PREX1: variants seen among roughly 807,000 people sequenced by gnomAD.
PREX1 encodes phosphatidylinositol 3,4,5-trisphosphate-dependent Rac exchanger 1 protein.
Under a neutral mutation model 198.3 loss-of-function variants are expected in PREX1, and 41 were observed. The ratio of observed to expected loss-of-function variants is 0.21; its 90% CI spans 0.16 to 0.27. The LOEUF (loss-of-function observed/expected upper bound fraction) is 0.27. Among genes scored for constraint, PREX1 ranks in the 10% least tolerant of loss-of-function variants. The pLI is 1.00. For synonymous variants in PREX1, 843 were observed against 887.2 expected (o/e 0.95, Z 0.89); for missense variants, 1,620 against 2,200.7 (o/e 0.74, Z 5.28).
Position 48,700,873 on chromosome 20 carries a change from G to A in PREX1, c.797C>T (p.Thr266Ile). 1.9e-6 allele frequency: 3 copies of A among 1,614,178 alleles called. No homozygotes were observed. The highest frequency in any genetic ancestry group is 1.3e-5 in the African/African-American group (1 of 75,048). The change falls in exon 7 of 40, where the codon ACA becomes ATA. Residue 266 changes from threonine (T) to isoleucine (I), a missense_variant. Transcript: ENST00000371941. ...CAGGAGGAGCTGAGTGCAGATGTCT[G>A]TGAGGTTGGAACCCTGGAAGCGCAA... ...HIEGWEGSNL[T>I]DICTQLLLQG...
chr20:48,778,937 C>T (rs1311653385), intron 1 of PREX1, among the ~76,000 whole-genome samples: 1 of 151,840 alleles, frequency 6.6e-6, no homozygotes, highest in African/African-American at 2.4e-5. Flanking sequence ...ATCCTTGTGA[C>T]CTGAGATTAA....
Position 48,758,725 on chromosome 20 carries a change from G to A in PREX1, c.220-10845C>T, listed in dbSNP as rs148104853. ...AGACACAGGGAGCAAACAGCATTGC[G>A]TGTATCTGAGGATACAGCATCACGG... On this transcript the variant is annotated intron_variant, in intron 1 of 39. Transcript: ENST00000371941. Among the ~76,000 whole-genome samples the A allele has an allele frequency of 3.7e-3, 571 of 152,314 alleles. 4 individuals carry two copies. The highest frequency in any genetic ancestry group is 5.3e-3 in the Non-Finnish European group (358 of 68,016).
chr20:48,763,846 C>CTG (rs2122851431), intron 1 of PREX1, among the ~76,000 whole-genome samples: 1 of 152,338 alleles, frequency 6.6e-6, no homozygotes, highest in African/African-American at 2.4e-5. Flanking sequence ...GGCTGCTTGG[C>CTG]TGCAGCTTGG....
chr20:48,807,819 C>T (rs963908172), intron 1 of PREX1, among the ~76,000 whole-genome samples: 2 of 152,064 alleles, frequency 1.3e-5, no homozygotes, highest in Admixed American at 1.3e-4. Context: ...GGTTTCTCAG[C>T]GGAAATGCAG....
intron 31 of PREX1, among the ~76,000 whole-genome samples, 186 bp downstream of exon 31, chr20:48,637,525 T>C (rs2089374191): frequency 6.6e-6 from 1 of 152,246 alleles, no homozygotes; most frequent in Admixed American, 6.5e-5. Context: ...ACAGGGCTCC[T>C]GGCTCCAGTG....
At chr20:48,679,533 G>T (rs865887447) in intron 12 of PREX1, 118 bp downstream of exon 12, 2 of 1,369,056 alleles carry the variant, frequency 1.5e-6, no homozygotes, top group African/African-American at 1.4e-5. Flanking sequence ...GCAGGGGTGA[G>T]TTGTGGGCAG....
the PREX1 span, among the ~76,000 whole-genome samples, chr20:48,885,411 G>A: frequency 1.3e-5 from 2 of 152,198 alleles, no homozygotes; most frequent in African/African-American, 2.4e-5. Context: ...ACCAAATGCT[G>A]GCAAGGATGT....
In PREX1 at chr20:48,651,068, C is replaced by T; in HGVS notation, c.2656-13G>A. On this transcript the variant is annotated splice_polypyrimidine_tract_variant and intron_variant, in intron 22 of 39. Coordinates refer to ENST00000371941, the MANE Select transcript of PREX1 (RefSeq NM_020820.4). ...AGGCCTCGAGGATCTGCAGAAATGT[C>T]AACAGCTACTGAGCATTCCCTGTGT... 1 of 1,613,428 alleles carries T rather than the reference C, an allele frequency of 6.2e-7. No homozygotes were observed. The highest frequency in any genetic ancestry group is 1.7e-5 in the Admixed American group (1 of 60,006).
intron 19 of PREX1, among the ~76,000 whole-genome samples, chr20:48,653,715 G>A (rs1341212610): frequency 6.6e-6 from 1 of 152,186 alleles, no homozygotes; most frequent in Non-Finnish European, 1.5e-5. Flanking sequence ...GTAGTAGCTG[G>A]CCCAAGGTCA....
chr20:48,880,535 T>A, the PREX1 span, among the ~76,000 whole-genome samples: 1 of 152,210 alleles, frequency 6.6e-6, no homozygotes, highest in African/African-American at 2.4e-5. Flanking sequence ...CTGCAGGAGC[T>A]CCAGCTATTG....
chr20:48,728,931 A>C (rs2090021372), intron 4 of PREX1, among the ~76,000 whole-genome samples: 1 of 152,208 alleles, frequency 6.6e-6, no homozygotes, highest in Admixed American at 6.5e-5. Context: ...GAAGTCCTTA[A>C]ATGCTCAAAA....
the PREX1 span, among the ~76,000 whole-genome samples, chr20:48,882,244 T>C: frequency 2.5e-4 from 38 of 152,124 alleles, no homozygotes; most frequent in Non-Finnish European, 5.4e-4. Flanking sequence ...GGCTCACGCC[T>C]GTAATCCCAG....
chr20:48,791,796 A>C (rs1016826299), intron 1 of PREX1, among the ~76,000 whole-genome samples: 1 of 152,248 alleles, frequency 6.6e-6, no homozygotes, highest in African/African-American at 2.4e-5. Flanking sequence ...TTGGCCCATG[A>C]AGTGTTTGTT....
At chr20:48,757,277 A>C (rs929186336) in intron 1 of PREX1, among the ~76,000 whole-genome samples, 7 of 152,146 alleles carry the variant, frequency 4.6e-5, no homozygotes, top group African/African-American at 1.7e-4. Context: ...CTTCACTTAC[A>C]GTTCCTGTGT....
At chr20:48,809,900 CCCACAGG>C (rs2090426820) in intron 1 of PREX1, among the ~76,000 whole-genome samples, 1 of 152,168 alleles carries the variant, frequency 6.6e-6, no homozygotes, top group African/African-American at 2.4e-5. Context: ...GGAGCCATTG[CCCACAGG>C]CCACAGGAAG....
chr20:48,815,588 A>ACAGCCCCCCCCCC, intron 1 of PREX1, among the ~76,000 whole-genome samples: 1 of 152,190 alleles, frequency 6.6e-6, no homozygotes, highest in East Asian at 1.9e-4. Context: ...CCCTGGGAGA[A>ACAGCCCCCCCCCC]AGCAGTCAGG....
At chr20:48,830,786 A>G (rs2090535590), upstream of PREX1, among the ~76,000 whole-genome samples, 1 of 152,214 alleles carries the variant, frequency 6.6e-6, no homozygotes, top group Non-Finnish European at 1.5e-5. Context: ...TGAACTAAGA[A>G]TAATATCAGT....
intron 27 of PREX1, 119 bp from the exon 28 acceptor site, chr20:48,642,608 T>A (rs1189006762): frequency 2.3e-6 from 2 of 884,382 alleles, no homozygotes; most frequent in Non-Finnish European, 3.4e-6. Flanking sequence ...GGATGTGGAG[T>A]CTGAAGACCA....
chr20:48,832,098 A>G (rs774915511), upstream of PREX1, among the ~76,000 whole-genome samples: 7 of 151,900 alleles, frequency 4.6e-5, no homozygotes, highest in Non-Finnish European at 7.4e-5. Context: ...CTCAAAAAGA[A>G]CAGGGAGGAA....
Sources: gnomAD v4.1 joint callset for allele counts (sites outside exome capture counted in the v4.1 genomes callset) on GRCh38, gnomAD v4.1.1 for gene constraint, MANE v1.5 for transcripts, NCBI Gene and HGNC (gene_info 2026-07-23, HGNC 2026-07-21) for gene names.